ANKH: variants seen among roughly 807,000 people sequenced by gnomAD.
ANKH encodes the protein ANKH inorganic pyrophosphate transport regulator.
ANKH carries 15 observed loss-of-function variants against 49.0 expected under a neutral mutation model. That is an observed-to-expected ratio of 0.31 (90% confidence interval 0.20 to 0.47). The LOEUF (loss-of-function observed/expected upper bound fraction) is 0.47, where lower values mean the gene tolerates loss of function less well. ANKH is among the 20% of genes least tolerant of loss of function. ANKH has a pLI of 1.00. For missense variants in ANKH, 429 were observed against 652.0 expected (o/e 0.66, Z 3.72); for synonymous variants, 273 against 260.0 (o/e 1.05, Z -0.48).
intron 1 of ANKH, chr5:14,868,919 C>A (rs897367007): frequency 1.3e-5 from 2 of 152,116 alleles, no homozygotes; most frequent in Non-Finnish European, 2.9e-5. Flanking sequence ...CTCAAAAGCA[C>A]GTGAACCTGA....
chr5:14,866,067 T>C (rs1179379228), intron 1 of ANKH, among the ~76,000 whole-genome samples: 1 of 152,218 alleles, frequency 6.6e-6, no homozygotes. Flanking sequence ...AGGTATTCAG[T>C]GCGGTCTCAG....
At chr5:14,843,470 C>G (rs1741869447) in intron 1 of ANKH, among the ~76,000 whole-genome samples, 1 of 149,216 alleles carries the variant, frequency 6.7e-6, no homozygotes, top group Non-Finnish European at 1.5e-5. Flanking sequence ...GCCACCACGC[C>G]TGGCCAGCTC....
intron 8 of ANKH, among the ~76,000 whole-genome samples, chr5:14,732,402 A>G (rs1738033984): frequency 6.6e-6 from 1 of 152,136 alleles, no homozygotes; most frequent in Non-Finnish European, 1.5e-5. Context: ...ACCGATCAAG[A>G]GACTGGCTTT....
At chr5:14,794,878 G>A (rs1057068935) in intron 1 of ANKH, among the ~76,000 whole-genome samples, 6 of 152,250 alleles carry the variant, frequency 3.9e-5, no homozygotes, top group South Asian at 2.1e-4. Context: ...TGCACAAGGT[G>A]AGGCAATGAA....
intron 8 of ANKH, among the ~76,000 whole-genome samples, chr5:14,735,602 A>G (rs573008424): frequency 1.3e-5 from 2 of 152,336 alleles, no homozygotes; most frequent in African/African-American, 4.8e-5. Flanking sequence ...AGGTGTGAGC[A>G]GAGGCACATG....
intron 11 of ANKH, among the ~76,000 whole-genome samples, chr5:14,712,400 C>T (rs1737253653): frequency 6.6e-6 from 1 of 152,208 alleles, no homozygotes; most frequent in Non-Finnish European, 1.5e-5. Flanking sequence ...CAAAAGTGAT[C>T]AGAAGGGCCC....
intron 1 of ANKH, among the ~76,000 whole-genome samples, chr5:14,778,464 G>A (rs1005902230): frequency 5.9e-5 from 9 of 151,990 alleles, no homozygotes; most frequent in African/African-American, 1.9e-4. Context: ...GACCTCCTCC[G>A]CGCCAGTGAC....
chr5:14,766,982 A>G (rs899766880), intron 2 of ANKH, among the ~76,000 whole-genome samples: 4 of 152,238 alleles, frequency 2.6e-5, no homozygotes, highest in Non-Finnish European at 5.9e-5. Flanking sequence ...AAATGTAAGT[A>G]GCTGTTTTCA....
At chr5:14,720,494 C>T (rs2063677710) in intron 8 of ANKH, among the ~76,000 whole-genome samples, 2 of 152,192 alleles carry the variant, frequency 1.3e-5, no homozygotes, top group Admixed American at 6.5e-5. Context: ...GGAGTTGGAA[C>T]ACTATTTCCC....
intron 8 of ANKH, among the ~76,000 whole-genome samples, chr5:14,717,759 A>T (rs1737524984): frequency 6.6e-6 from 1 of 152,194 alleles, no homozygotes; most frequent in South Asian, 2.1e-4. Flanking sequence ...AGTGTTTTAG[A>T]TTCTGAATTT....
Position 14,871,402 on chromosome 5 carries a change from A to G in ANKH, c.46T>C (p.Phe16Leu). ...ALTHYWPLIR[F>L]LVPLGITNIA... ...TTGGTGATGCCCAGGGGCACCAAGA[A>G]CCGGATCAGGGGCCAGTAGTGCGTG... The change falls in exon 1 of 12, where the codon TTC (phenylalanine) becomes CTC (leucine). Residue 16 changes from phenylalanine to leucine, a missense_variant. Physicochemically the swap from Phe to Leu is conservative, Grantham distance 22. Coordinates refer to ENST00000284268, the MANE Select transcript of ANKH (RefSeq NM_054027.6). The G allele has an allele frequency of 6.2e-7, 1 of 1,613,390 alleles. No homozygotes were observed. Among genetic ancestry groups the G allele is most frequent in the South Asian group, 1.1e-5 (1 of 91,068 alleles).
rs1171628485 is a variant in ANKH, at chr5:14,770,816, A to T, written c.97-1625T>A. On this transcript the variant is annotated intron_variant, in intron 1 of 11. Transcript: ENST00000284268. This position sits in a 1 kb window ranked among gnomAD's most constrained non-coding sequence, Gnocchi z 4.1. ...AGGGCTTACTCTTGGTATATTGTAC[A>T]TTCTGTGGATTCTGACAAATGCAGA... Among the ~76,000 whole-genome samples, 2 of 152,190 alleles carry T rather than the reference A, an allele frequency of 1.3e-5. No individual in the cohort carries two copies. The highest frequency in any genetic ancestry group is 2.4e-5 in the African/African-American group (1 of 41,446).
intron 4 of ANKH, among the ~76,000 whole-genome samples, chr5:14,755,239 TAGA>T (rs1284519866): frequency 4.6e-5 from 7 of 152,208 alleles, no homozygotes; most frequent in Non-Finnish European, 1.0e-4. Context: ...CTATCCTTGG[TAGA>T]AGAAGAAAGG....
intron 1 of ANKH, among the ~76,000 whole-genome samples, chr5:14,845,366 ATT>A (rs60459352): frequency 5.3e-5 from 4 of 75,734 alleles, no homozygotes; most frequent in African/African-American, 2.0e-4. Flanking sequence ...ATATATATAT[ATT>A]TTTTTTTTTA....
intron 1 of ANKH, among the ~76,000 whole-genome samples, chr5:14,816,962 G>A (rs1278139003): frequency 6.6e-6 from 1 of 152,204 alleles, no homozygotes; most frequent in African/African-American, 2.4e-5. Flanking sequence ...GTGAGTTGCT[G>A]TTGGATACAA....
chr5:14,742,013 T>C, intron 7 of ANKH, 91 bp from the exon 8 acceptor site: 1 of 967,592 alleles, frequency 1.0e-6, no homozygotes. Flanking sequence ...GCTTTTGTTT[T>C]ATCTGATGTG....
intron 2 of ANKH, among the ~76,000 whole-genome samples, chr5:14,767,467 G>T (rs906310635): frequency 6.6e-6 from 1 of 152,120 alleles, no homozygotes; most frequent in Non-Finnish European, 1.5e-5. Context: ...ATATATATGA[G>T]ATACAGAAAA....
At chr5:14,865,628 C>T (rs1188697275) in intron 1 of ANKH, among the ~76,000 whole-genome samples, 1 of 152,130 alleles carries the variant, frequency 6.6e-6, no homozygotes. Flanking sequence ...CTCTCCATTG[C>T]TCAGTGACTT....
At chr5:14,739,706 T>G (rs1414938254) in intron 8 of ANKH, among the ~76,000 whole-genome samples, 2 of 152,262 alleles carry the variant, frequency 1.3e-5, no homozygotes, top group Non-Finnish European at 2.9e-5. Context: ...GAGCATGCCC[T>G]GAAGGCTGGG....
Sources: allele counts gnomAD v4.1 joint callset (sites outside exome capture counted in the v4.1 genomes callset), GRCh38; gene constraint gnomAD v4.1.1; non-coding constraint Gnocchi (gnomAD v3.1); transcripts MANE v1.5; gene names NCBI Gene and HGNC (gene_info 2026-07-23, HGNC 2026-07-21).